The following ACSS2 variants were observed in gnomAD, a reference collection of about 807,000 sequenced individuals.
ACSS2 encodes acyl-CoA synthetase short chain family member 2.
ACSS2 carries 58 observed loss-of-function variants against 90.6 expected under a neutral mutation model. That is an observed-to-expected ratio of 0.64 (90% confidence interval 0.52 to 0.80). The LOEUF (loss-of-function observed/expected upper bound fraction) is 0.80, where lower values mean the gene tolerates loss of function less well. Among genes scored for constraint, ACSS2 ranks in the 30% least tolerant of loss-of-function variants. The probability of loss-of-function intolerance (pLI) is 0.00; values close to 1 mark genes in which losing one functional copy is unlikely to be tolerated. For missense variants in ACSS2, 759 were observed against 912.0 expected, an observed-to-expected ratio of 0.83 and a Z score of 2.16; for synonymous variants, 300 against 330.9, an observed-to-expected ratio of 0.91 and a Z score of 1.01.
At chr20:34,885,112 A>C (rs1001187373) in intron 2 of ACSS2, among the ~76,000 whole-genome samples, 28 of 152,028 alleles carry the variant, frequency 1.8e-4, no homozygotes, top group African/African-American at 6.5e-4. Flanking sequence ...TGGTGGGAGG[A>C]TTGCTTGAGC....
chr20:34,914,332 A>G lies in ACSS2; in HGVS notation c.729A>G (p.Pro243=), dbSNP rs771303170. The G allele has an allele frequency of 1.2e-6, 2 of 1,613,072 alleles. No individual in the cohort carries two copies. Among genetic ancestry groups the G allele is most frequent in the African/African-American group, 1.3e-5 (1 of 74,892 alleles). ...CTTTTCTCTTCTCCAGGGGTTTCCC[A>G]GTAAGATGCTGCATTGTGGTCAAGC... ...ALQKCQEKGF[P]VRCCIVVKHL... Residue 243 remains proline (P), a synonymous_variant, in exon 7 of 18, where the codon CCA becomes CCG. Coordinates refer to ENST00000360596, the MANE Select transcript of ACSS2 (RefSeq NM_018677.4).
At chr20:34,903,991 G>C (rs1467183278) in intron 2 of ACSS2, among the ~76,000 whole-genome samples, 1 of 151,906 alleles carries the variant, frequency 6.6e-6, no homozygotes, top group Non-Finnish European at 1.5e-5. Flanking sequence ...AATTGTGCTT[G>C]GAGGAGACAG....
chr20:34,915,378 CT>C, intron 7 of ACSS2: 3 of 1,151,790 alleles, frequency 2.6e-6, no homozygotes, highest in Non-Finnish European at 3.9e-6. Flanking sequence ...CCCCTTGCCC[CT>C]GGGCAACTTG....
intron 2 of ACSS2, among the ~76,000 whole-genome samples, chr20:34,902,349 A>C (rs1037070490): frequency 2.0e-5 from 3 of 152,106 alleles, no homozygotes; most frequent in African/African-American, 2.4e-5. Flanking sequence ...AACAAATAAC[A>C]AAAGAAGTAT....
rs555249896 is a variant in ACSS2 at position 34,927,111 on chromosome 20, G to A, written c.2003G>A (p.Arg668Gln). The part of the protein sequence containing the change: ...RSGKIMRRVL[R>Q]KIAQNDHDLG... ...GGGAAAATCATGAGGCGAGTGCTTC[G>A]GAAGATTGCTCAGAATGACCATGAC... The change falls in exon 18 of 18, where the codon CGG becomes CAG. Residue 668 changes from arginine (R) to glutamine (Q), a missense_variant. Arg to Gln is a conservative substitution (Grantham distance 43). Coordinates refer to ENST00000360596, the MANE Select transcript of ACSS2 (RefSeq NM_018677.4). The surrounding 1 kb of genome is among the most constrained non-coding windows in gnomAD (Gnocchi z 4.2). 4.2e-5 allele frequency: 68 copies of A among 1,614,110 alleles called. No homozygotes were observed. Among genetic ancestry groups the A allele is most frequent in the Non-Finnish European group, 5.3e-5 (62 of 1,180,010 alleles).
chr20:34,903,489 T>G (rs1324940378), intron 2 of ACSS2, among the ~76,000 whole-genome samples: 1 of 152,140 alleles, frequency 6.6e-6, no homozygotes, highest in Non-Finnish European at 1.5e-5. Flanking sequence ...ACAATGAAGA[T>G]ACAGATTTTT....
intron 2 of ACSS2, among the ~76,000 whole-genome samples, chr20:34,906,011 TAA>T (rs1371984687): frequency 6.6e-6 from 1 of 152,188 alleles, no homozygotes; most frequent in Non-Finnish European, 1.5e-5. Flanking sequence ...ATCTCAGAGT[TAA>T]GAGACTAAAT....
At chr20:34,877,917 T>C (rs551649905) in intron 1 of ACSS2, among the ~76,000 whole-genome samples, 3 of 148,094 alleles carry the variant, frequency 2.0e-5, no homozygotes, top group African/African-American at 7.6e-5. Flanking sequence ...GACAGATAGA[T>C]AGATAGATAG....
At chr20:34,912,785 G>T (rs577761457) in intron 2 of ACSS2, among the ~76,000 whole-genome samples, 66 of 152,304 alleles carry the variant, frequency 4.3e-4, no homozygotes, top group African/African-American at 1.6e-3. Flanking sequence ...TCACATCTGT[G>T]ATTTCACTTC....
chr20:34,902,934 T>C (rs2080705718), intron 2 of ACSS2, among the ~76,000 whole-genome samples: 1 of 150,470 alleles, frequency 6.6e-6, no homozygotes, highest in African/African-American at 2.4e-5. Context: ...CATTTCGCTA[T>C]GTTGCCCAGT....
At chr20:34,895,064 T>C (rs556750374) in intron 2 of ACSS2, among the ~76,000 whole-genome samples, 5 of 152,288 alleles carry the variant, frequency 3.3e-5, no homozygotes, top group Non-Finnish European at 5.9e-5. Context: ...CAAAGTACCA[T>C]TGAAAAATTA....
In ACSS2 at chr20:34,909,370, AAAC is replaced by A. The variant is rs965273475; in HGVS notation, c.375-3711_375-3709del. ...GTGACAGAGTGAGACCCTGTCTCAA[AAAC>A]AACAACAACAACAAATAAAAAAGAG... On this transcript the variant is annotated intron_variant, in intron 2 of 17. Transcript: ENST00000360596. Among the ~76,000 whole-genome samples, 132 of 152,232 alleles carry A rather than the reference AAAC, an allele frequency of 8.7e-4. 1 individual carries two copies. Among genetic ancestry groups the A allele is most frequent in the African/African-American group, 2.4e-3 (99 of 41,542 alleles).
intron 7 of ACSS2, among the ~76,000 whole-genome samples, chr20:34,917,061 A>AC (rs1202255959): frequency 2.0e-5 from 3 of 152,028 alleles, no homozygotes; most frequent in African/African-American, 4.8e-5. Context: ...GAGTACTCTG[A>AC]CCCCTCCACC....
upstream of ACSS2, among the ~76,000 whole-genome samples, chr20:34,875,383 A>G (rs966302451): frequency 7.9e-5 from 12 of 152,220 alleles, no homozygotes. Flanking sequence ...AGCCTGGACA[A>G]CATGGTGAAA....
At chr20:34,887,083 G>A (rs1012935681) in intron 2 of ACSS2, among the ~76,000 whole-genome samples, 32 of 152,294 alleles carry the variant, frequency 2.1e-4, no homozygotes, top group Middle Eastern at 3.4e-3. Flanking sequence ...AAATGTTCAC[G>A]GAATAGTAGT....
chr20:34,915,393 T>G (rs1230565374), intron 7 of ACSS2: 2 of 918,438 alleles, frequency 2.2e-6, no homozygotes, highest in Non-Finnish European at 1.8e-6. Flanking sequence ...CAACTTGACA[T>G]CTAAGCCACT....
intron 2 of ACSS2, among the ~76,000 whole-genome samples, chr20:34,900,395 G>A (rs1482102921): frequency 2.7e-5 from 4 of 150,766 alleles, no homozygotes; most frequent in East Asian, 1.9e-4. Flanking sequence ...GGCTGGTGTC[G>A]AACTTCTGAC....
intron 1 of ACSS2, among the ~76,000 whole-genome samples, chr20:34,877,896 A>ACAGATAGATAGG (rs1468422512): frequency 1.2e-4 from 17 of 138,900 alleles, no homozygotes; most frequent in African/African-American, 5.2e-4. Context: ...TGGGTAAAGG[A>ACAGATAGATAGG]CAGATAGATA....
intron 2 of ACSS2, among the ~76,000 whole-genome samples, chr20:34,906,058 G>A (rs57426391): frequency 0.063 from 9,600 of 152,216 alleles, 1,017 homozygotes; most frequent in African/African-American, 0.22. Flanking sequence ...TATCCTGGCC[G>A]GGCGCGGTGG....
Sources: gnomAD v4.1 joint callset for allele counts (sites outside exome capture counted in the v4.1 genomes callset) on GRCh38, gnomAD v4.1.1 for gene constraint, Gnocchi (gnomAD v3.1) non-coding constraint, MANE v1.5 for transcripts, NCBI Gene and HGNC (gene_info 2026-07-23, HGNC 2026-07-21) for gene names.